ZFPM1: variants seen among roughly 807,000 people sequenced by gnomAD.
ZFPM1 encodes zinc finger protein ZFPM1.
A neutral mutation model predicts 46.3 loss-of-function variants in ZFPM1; 28 were observed. That is an observed-to-expected ratio of 0.60 (90% CI 0.45 to 0.83). The LOEUF (loss-of-function observed/expected upper bound fraction) is 0.83, where lower values mean the gene tolerates loss of function less well. Among genes scored for constraint, ZFPM1 ranks in the 40% least tolerant of loss-of-function variants. The pLI is 0.00. For missense variants in ZFPM1, 1,878 were observed against 1,432.4 expected (o/e 1.31, Z -5.02); for synonymous variants, 957 against 675.9 (o/e 1.42, Z -6.45).
At chr16:88,457,847 A>C (rs1047193705) in intron 1 of ZFPM1, among the ~76,000 whole-genome samples, 8 of 151,562 alleles carry the variant, frequency 5.3e-5, no homozygotes, top group African/African-American at 1.9e-4. Context: ...AAGGCCCCCC[A>C]CCCCTAAACC....
intron 2 of ZFPM1, among the ~76,000 whole-genome samples, chr16:88,487,823 C>T (rs773612608): frequency 2.6e-5 from 4 of 152,158 alleles, no homozygotes; most frequent in African/African-American, 4.8e-5. Flanking sequence ...GGGCTGGGGC[C>T]GCCATCTCCC....
Position 88,534,398 on chromosome 16 carries a change from G to C in ZFPM1, c.2440G>C (p.Ala814Pro). Residue 814 changes from alanine (A) to proline (P), a missense_variant, in exon 10 of 10, where the codon GCC becomes CCC. Coordinates refer to ENST00000319555, the MANE Select transcript of ZFPM1 (RefSeq NM_153813.3). ...CCCCGGAGCCCCGGCACCGGCGCTG[G>C]CCGACTACCACGAGTGCACGGCCTG... Reference protein sequence around the residue: ...PLPGAPAPALADYHECTACRV... With the variant: ...PLPGAPAPALPDYHECTACRV... 1 of 1,475,616 alleles carries C rather than the reference G, an allele frequency of 6.8e-7. No individual in the cohort carries two copies. The highest frequency in any genetic ancestry group is 1.3e-5 in the South Asian group (1 of 79,924). The allele number at this position is 1,475,616 out of a possible 1,614,324, so 91.4% of individuals were successfully genotyped here. A position where few individuals can be genotyped will look rare whatever the true frequency, so the allele number is the denominator to read the frequency against.
chr16:88,531,463 G>A (rs1266556937), intron 6 of ZFPM1, among the ~76,000 whole-genome samples: 1 of 152,156 alleles, frequency 6.6e-6, no homozygotes, highest in African/African-American at 2.4e-5. Context: ...GCGCATGGGG[G>A]CTTCCTAACT....
At position 88,534,246 on chromosome 16, in the gene ZFPM1, C is replaced by A; in HGVS notation, c.2288C>A (p.Ala763Asp). Residue 763 changes from alanine (A) to aspartate (D), a missense_variant, in exon 10 of 10, where the codon GCC becomes GAC. Coordinates refer to ENST00000319555, the MANE Select transcript of ZFPM1 (RefSeq NM_153813.3). ...GAPPPPPPGH[A>D]PAPESPRPGS... ...CCGCCCCCCCCGCCGCCCGGCCACG[C>A]CCCCGCGCCCGAGTCGCCGCGGCCC... 9.8e-7 allele frequency: 1 copy of A among 1,022,732 alleles called. No homozygotes were observed. Among genetic ancestry groups the A allele is most frequent in the Non-Finnish European group, 1.2e-6 (1 of 857,170 alleles). The allele number at this position is 1,022,732 out of a possible 1,614,324, so 63.4% of individuals were successfully genotyped here.
intron 3 of ZFPM1, among the ~76,000 whole-genome samples, chr16:88,510,115 C>G (rs569852967): frequency 6.6e-6 from 1 of 152,254 alleles, no homozygotes; most frequent in Admixed American, 6.5e-5. Context: ...AGACACACCC[C>G]CTAACCTCAC....
intron 3 of ZFPM1, among the ~76,000 whole-genome samples, chr16:88,504,751 G>A (rs1910557915): frequency 6.6e-6 from 1 of 152,208 alleles, no homozygotes; most frequent in Admixed American, 6.5e-5. Flanking sequence ...GAGCACCATG[G>A]AAGGGGTTCA....
chr16:88,481,901 A>G (rs1410111939), intron 1 of ZFPM1, among the ~76,000 whole-genome samples: 1 of 152,214 alleles, frequency 6.6e-6, no homozygotes, highest in Non-Finnish European at 1.5e-5. Context: ...GCCACAGTTC[A>G]TGTTCACTGA....
Position 88,476,061 on chromosome 16 carries a change from G to A in ZFPM1, c.41-9878G>A, listed in dbSNP as rs115427228. ...GACCCTGAGTCTCATCCCTCTCCTC[G>A]TGGTGCCCCCACACCCACCCAGGCC... is the stretch of plus-strand genomic sequence containing the variant. On this transcript the variant is annotated intron_variant, in intron 1 of 9. Coordinates refer to ENST00000319555, the MANE Select transcript of ZFPM1 (RefSeq NM_153813.3). Among the ~76,000 whole-genome samples, 770 of 152,140 alleles carry A rather than the reference G, an allele frequency of 5.1e-3. 6 individuals are homozygous for A. The highest frequency in any genetic ancestry group is 0.017 in the African/African-American group (719 of 41,498).
intron 1 of ZFPM1, among the ~76,000 whole-genome samples, chr16:88,460,461 G>A (rs551813896): frequency 6.6e-6 from 1 of 152,210 alleles, no homozygotes; most frequent in Non-Finnish European, 1.5e-5. Context: ...CCATTTTTCA[G>A]ATGAGGATGA....
At chr16:88,478,259 A>G (rs1242268082) in intron 1 of ZFPM1, among the ~76,000 whole-genome samples, 1 of 152,050 alleles carries the variant, frequency 6.6e-6, no homozygotes, top group Admixed American at 6.5e-5. Flanking sequence ...TGCGCTGGTT[A>G]GGGCTCTGCT....
chr16:88,516,705 T>C, intron 4 of ZFPM1: 1 of 397,580 alleles, frequency 2.5e-6, no homozygotes, highest in Middle Eastern at 6.3e-4. Flanking sequence ...TCTTGGCTGA[T>C]AGGTCCCAGT....
intron 3 of ZFPM1, among the ~76,000 whole-genome samples, chr16:88,509,480 G>A (rs771957612): frequency 1.3e-5 from 2 of 152,116 alleles, no homozygotes; most frequent in Non-Finnish European, 2.9e-5. Flanking sequence ...CCTGGAAGGC[G>A]GGAAGGCCAG....
At chr16:88,463,195 T>C (rs1282801028) in intron 1 of ZFPM1, among the ~76,000 whole-genome samples, 1 of 152,194 alleles carries the variant, frequency 6.6e-6, no homozygotes, top group Non-Finnish European at 1.5e-5. Context: ...AAGTGATGCA[T>C]GAGGAAAGAC....
intron 1 of ZFPM1, among the ~76,000 whole-genome samples, chr16:88,461,240 T>TGGTGATGACCGA (rs1567525940): frequency 1.4e-5 from 1 of 70,798 alleles, no homozygotes; most frequent in African/African-American, 6.2e-5. Flanking sequence ...GACCCAGGGG[T>TGGTGATGACCGA]GGGGCGGGAG....
intron 1 of ZFPM1, among the ~76,000 whole-genome samples, chr16:88,460,917 AGGGGCG>A (rs1907794399): frequency 2.7e-5 from 1 of 36,862 alleles, no homozygotes; most frequent in African/African-American, 9.7e-5. Context: ...GTGAGGACCG[AGGGGCG>A]GGGCGGGAGG....
rs1465929399 is a variant in ZFPM1 at position 88,536,383 on chromosome 16, A to G, written c.*1404A>G. The G allele has an allele frequency of 6.6e-6, 1 of 152,200 alleles. No individual in the cohort carries two copies. Among genetic ancestry groups the G allele is most frequent in the Non-Finnish European group, 1.5e-5 (1 of 68,034 alleles). 9.4% of individuals were successfully genotyped at this position (152,200 alleles called of 1,614,324 possible). A position where few individuals can be genotyped will look rare whatever the true frequency, so the allele number is the denominator to read the frequency against. On this transcript the variant is annotated 3_prime_UTR_variant, in exon 10 of 10. Transcript: ENST00000319555. ...GAGACAGGGTCTTCCTGTGTTGCCC[A>G]AGATGGTCTCAAACTCCTGACCTCC...
intron 1 of ZFPM1, 83 bp from the exon 2 acceptor site, chr16:88,485,856 C>A: frequency 7.4e-7 from 1 of 1,345,106 alleles, no homozygotes; most frequent in Non-Finnish European, 1.1e-6. Flanking sequence ...GGCACCGGGG[C>A]TGTACCTATG....
rs565474209 is a variant in ZFPM1, at chr16:88,535,765, C to G, written c.*786C>G. On this transcript the variant is annotated 3_prime_UTR_variant, in exon 10 of 10. Transcript: ENST00000319555. ...GTGGAGTCACCTGTGGTGGCTGAGT[C>G]GGTGCAAGGGTCAGGGCACCCCCAC... 1.3e-5 allele frequency: 2 copies of G among 152,550 alleles called. No homozygotes were observed. Among genetic ancestry groups the G allele is most frequent in the African/African-American group, 4.8e-5 (2 of 41,432 alleles). 9.4% of individuals were successfully genotyped at this position (152,550 alleles called of 1,614,324 possible).
intron 4 of ZFPM1, among the ~76,000 whole-genome samples, chr16:88,523,746 G>C (rs1027891152): frequency 6.6e-6 from 1 of 152,188 alleles, no homozygotes; most frequent in Non-Finnish European, 1.5e-5. Flanking sequence ...CCGTGGCAGG[G>C]TGGCCGGAGC....
Sources: gnomAD v4.1 joint callset for allele counts (sites outside exome capture counted in the v4.1 genomes callset) on GRCh38, gnomAD v4.1.1 for gene constraint, MANE v1.5 for transcripts, NCBI Gene and HGNC (gene_info 2026-07-23, HGNC 2026-07-21) for gene names.